The following ANKRD36 variants were observed in gnomAD, a reference collection of about 807,000 sequenced individuals.
The protein encoded by ANKRD36 is ankyrin repeat domain 36, also known as ankyrin repeat domain-containing protein 36A.
A neutral mutation model predicts 278.1 loss-of-function variants in ANKRD36; 179 were observed. That is an observed-to-expected ratio of 0.64 (90% CI 0.57 to 0.73). The LOEUF (loss-of-function observed/expected upper bound fraction) is 0.73, where lower values mean the gene tolerates loss of function less well. Ranked by LOEUF, ANKRD36 falls within the 30% of genes least tolerant of loss-of-function variation. The pLI is 0.00. For synonymous variants in ANKRD36, 320 were observed against 641.1 expected (o/e 0.50, Z 7.57); for missense variants, 1,159 against 1,956.7 (o/e 0.59, Z 7.69).
rs2034041065 is a variant in ANKRD36 at position 97,113,172 on chromosome 2, T to C, written c.-568T>C. Among the ~76,000 whole-genome samples the C allele has an allele frequency of 1.3e-5, 2 of 151,940 alleles. No individual in the cohort carries two copies. Among genetic ancestry groups the C allele is most frequent in the Non-Finnish European group, 2.9e-5 (2 of 67,962 alleles). ...GCCCCCGCCGGAGCCCGAGCTGCAGTGCCGCCTACAAGTGGTGCGCTGGCT... is the reference window on the plus strand; with the variant it reads ...GCCCCCGCCGGAGCCCGAGCTGCAGCGCCGCCTACAAGTGGTGCGCTGGCT... On this transcript the variant is annotated 5_prime_UTR_variant, in exon 1 of 76. Transcript: ENST00000420699.
chr2:97,217,682 A>G (rs1264077479), intron 64 of ANKRD36, among the ~76,000 whole-genome samples: 4 of 152,046 alleles, frequency 2.6e-5, no homozygotes, highest in Non-Finnish European at 4.4e-5. Flanking sequence ...GCATGTTTCT[A>G]TGGAAAGGGG....
intron 22 of ANKRD36, among the ~76,000 whole-genome samples, chr2:97,176,260 A>T (rs1239348821): frequency 4.0e-5 from 6 of 150,888 alleles, no homozygotes; most frequent in Non-Finnish European, 8.9e-5. Context: ...TGGGAGTCTA[A>T]GTCTCTTTGT....
chr2:97,187,759 G>T (rs553326897), intron 32 of ANKRD36, among the ~76,000 whole-genome samples: 35 of 151,866 alleles, frequency 2.3e-4, no homozygotes, highest in African/African-American at 8.4e-4. Context: ...TTCTACAGAC[G>T]TCACATAGTA....
intron 4 of ANKRD36, 48 bp from the exon 5 acceptor site, chr2:97,124,412 G>A: frequency 2.0e-6 from 3 of 1,529,594 alleles, no homozygotes; most frequent in Non-Finnish European, 2.6e-6. Context: ...TATAAACTTA[G>A]CTTTTAAAAT....
chr2:97,124,635 T>C, intron 5 of ANKRD36, 38 bp downstream of exon 5: 1 of 1,527,854 alleles, frequency 6.5e-7, no homozygotes, highest in Non-Finnish European at 8.8e-7. Context: ...AACACTAAAT[T>C]GAAGTTTAAA....
At chr2:97,227,401 A>G (rs2070194118) in intron 67 of ANKRD36, among the ~76,000 whole-genome samples, 1 of 152,086 alleles carries the variant, frequency 6.6e-6, no homozygotes, top group Admixed American at 6.5e-5. Context: ...GTGAATGGGA[A>G]TTCACTCATG....
At chr2:97,182,041 C>T (rs567183992) in intron 26 of ANKRD36, among the ~76,000 whole-genome samples, 8 of 151,342 alleles carry the variant, frequency 5.3e-5, no homozygotes, top group Admixed American at 2.0e-4. Flanking sequence ...CATAAGGAGT[C>T]AGGGGACAGC....
At chr2:97,144,607 G>A in intron 9 of ANKRD36, 33 bp from the exon 10 acceptor site, 1 of 1,557,476 alleles carries the variant, frequency 6.4e-7, no homozygotes. Context: ...ATATACTGTA[G>A]GTATTGATTA....
At position 97,207,987 on chromosome 2, in the gene ANKRD36, T is replaced by G. The variant is rs548930318; in HGVS notation, c.3246T>G (p.Tyr1082Ter). Residue 1082 changes from tyrosine to a stop codon, truncating the protein, a stop_gained, in exon 54 of 76, where the codon TAT becomes TAG. Coordinates refer to ENST00000420699, the MANE Select transcript of ANKRD36 (RefSeq NM_001354587.1). LOFTEE classifies it high-confidence loss of function. ...SVLNIARGKK[Y>*]GEKTKRVSSR... ...TGAATATAGCCAGAGGAAAAAAGTA[T>G]GGAGAAAAAACTAAGAGAGGTAATT... The G allele has an allele frequency of 6.6e-7, 1 of 1,522,540 alleles. No individual in the cohort carries two copies. The highest frequency in any genetic ancestry group is 1.2e-5 in the South Asian group (1 of 83,174). 94.3% of individuals were successfully genotyped at this position (1,522,540 alleles called of 1,614,324 possible).
intron 38 of ANKRD36, among the ~76,000 whole-genome samples, chr2:97,193,859 C>T (rs186964200): frequency 4.0e-5 from 6 of 151,684 alleles, no homozygotes; most frequent in East Asian, 2.0e-4. Flanking sequence ...GAGAATAACA[C>T]GATACTCCCA....
intron 12 of ANKRD36, among the ~76,000 whole-genome samples, chr2:97,151,380 C>T (rs555362196): frequency 3.3e-5 from 5 of 152,144 alleles, no homozygotes; most frequent in South Asian, 2.1e-4. Context: ...GCTTTTGACA[C>T]GCTGAATAGA....
chr2:97,142,698 T>G (rs776230376), intron 7 of ANKRD36, 30 bp downstream of exon 7: 1 of 1,596,770 alleles, frequency 6.3e-7, no homozygotes, highest in Admixed American at 1.7e-5. Flanking sequence ...TGTTTTGAAC[T>G]ATTAACTATA....
intron 11 of ANKRD36, among the ~76,000 whole-genome samples, chr2:97,149,024 A>C (rs1171419476): frequency 6.6e-6 from 1 of 151,966 alleles, no homozygotes; most frequent in Middle Eastern, 3.2e-3. Context: ...AATGCCTGTC[A>C]CTATTTGTTA....
At chr2:97,198,329 A>T in intron 42 of ANKRD36, 134 bp from the exon 43 acceptor site, 1 of 1,516,706 alleles carries the variant, frequency 6.6e-7, no homozygotes, top group Non-Finnish European at 8.9e-7. Flanking sequence ...TAGTCCCCAG[A>T]CACAAAGTAG....
chr2:97,233,322 GT>G (rs1219544476), intron 67 of ANKRD36, among the ~76,000 whole-genome samples: 2 of 149,590 alleles, frequency 1.3e-5, no homozygotes, highest in Non-Finnish European at 3.0e-5. Flanking sequence ...TGCTACTCTG[GT>G]TTTTCTCTTC....
intron 32 of ANKRD36, among the ~76,000 whole-genome samples, chr2:97,188,165 G>T (rs993268131): frequency 6.6e-6 from 1 of 151,658 alleles, no homozygotes; most frequent in African/African-American, 2.4e-5. Context: ...CCTTGTTCAA[G>T]GAGCTACCTC....
At chr2:97,133,602 CAGTTA>C (rs1441832913) in intron 6 of ANKRD36, among the ~76,000 whole-genome samples, 4 of 151,654 alleles carry the variant, frequency 2.6e-5, no homozygotes, top group Admixed American at 6.6e-5. Context: ...CCTGTAAATA[CAGTTA>C]AGTTATTTGC....
At chr2:97,201,919 C>G (rs1262186873) in intron 46 of ANKRD36, among the ~76,000 whole-genome samples, 1 of 151,882 alleles carries the variant, frequency 6.6e-6, no homozygotes, top group African/African-American at 2.4e-5. Flanking sequence ...TTGTTCTCAT[C>G]ACTCGGCATA....
rs747824585 is a variant in ANKRD36, at chr2:97,192,810, T to G, written c.2348-48T>G. On this transcript the variant is annotated intron_variant, in intron 36 of 75. Transcript: ENST00000420699. Reference sequence around the variant, plus strand: ...AACACTTCATGAATGTATGGATAACTTTGTCATAGTTACATATGAGTGATT... The same window carrying G: ...AACACTTCATGAATGTATGGATAACGTTGTCATAGTTACATATGAGTGATT... 1.3e-5 allele frequency: 20 copies of G among 1,572,466 alleles called. No homozygotes were observed. In the South Asian group the frequency reaches 2.2e-4, roughly 18 times the overall value.
Sources: gnomAD v4.1 joint callset for allele counts (sites outside exome capture counted in the v4.1 genomes callset) on GRCh38, gnomAD v4.1.1 for gene constraint, MANE v1.5 for transcripts, NCBI Gene and HGNC (gene_info 2026-07-23, HGNC 2026-07-21) for gene names.